The following NRG1 variants were observed in gnomAD, a reference collection of about 807,000 sequenced individuals.
The protein encoded by NRG1 is neuregulin 1, also known as pro-neuregulin-1, membrane-bound isoform.
NRG1 carries 18 observed loss-of-function variants against 63.8 expected under a neutral mutation model. That is an observed-to-expected ratio of 0.28 (90% CI 0.19 to 0.42). The LOEUF (loss-of-function observed/expected upper bound fraction) is 0.42. Ranked by LOEUF, NRG1 falls within the 10% of genes least tolerant of loss-of-function variation. The pLI is 1.00. For missense variants in NRG1, 762 were observed against 814.7 expected (o/e 0.94, Z 0.79); for synonymous variants, 302 against 301.3 (o/e 1.00, Z -0.02).
chr8:31,994,989 T>A (rs1340011981), intron 1 of NRG1, among the ~76,000 whole-genome samples: 3 of 152,010 alleles, frequency 2.0e-5, no homozygotes, highest in Non-Finnish European at 2.9e-5. Context: ...TTGAATTGGT[T>A]TAACTGAGCA....
intron 1 of NRG1, among the ~76,000 whole-genome samples, chr8:31,971,807 A>G (rs1206367654): frequency 1.3e-5 from 2 of 152,118 alleles, no homozygotes; most frequent in African/African-American, 4.8e-5. Flanking sequence ...AACTCCCCCA[A>G]GCATTATCCA....
At chr8:32,082,213 T>A (rs943329813) in intron 1 of NRG1, among the ~76,000 whole-genome samples, 5 of 151,028 alleles carry the variant, frequency 3.3e-5, no homozygotes, top group African/African-American at 1.2e-4. Flanking sequence ...TTTTTTTTTT[T>A]AATTTTTATT....
At chr8:32,348,528 C>T (rs1805192368) in intron 1 of NRG1, among the ~76,000 whole-genome samples, 1 of 152,046 alleles carries the variant, frequency 6.6e-6, no homozygotes, top group Non-Finnish European at 1.5e-5. Flanking sequence ...TTTTAGATAC[C>T]TTATAAATTG....
chr8:32,761,423 A>G (rs1207609368), intron 11 of NRG1, among the ~76,000 whole-genome samples: 1 of 151,760 alleles, frequency 6.6e-6, no homozygotes, highest in Non-Finnish European at 1.5e-5. Context: ...GTTACTTCCA[A>G]TAAAATAACA....
At chr8:32,365,441 T>C (rs1259983281) in intron 1 of NRG1, among the ~76,000 whole-genome samples, 2 of 152,124 alleles carry the variant, frequency 1.3e-5, no homozygotes, top group Non-Finnish European at 2.9e-5. Flanking sequence ...ATGGCCTCTC[T>C]CACTTCAATA....
intron 1 of NRG1, among the ~76,000 whole-genome samples, chr8:31,748,221 G>T (rs1023699825): frequency 1.3e-5 from 2 of 151,850 alleles, no homozygotes; most frequent in Non-Finnish European, 2.9e-5. Flanking sequence ...ACTTATTTAT[G>T]ATAATAACAA....
chr8:31,799,103 G>C (rs555884338), intron 1 of NRG1, among the ~76,000 whole-genome samples: 1 of 152,060 alleles, frequency 6.6e-6, no homozygotes, highest in Non-Finnish European at 1.5e-5. Flanking sequence ...CCCTGGTAGG[G>C]TTTATTTGTA....
At chr8:32,017,739 G>A (rs1815783356) in intron 1 of NRG1, among the ~76,000 whole-genome samples, 1 of 152,302 alleles carries the variant, frequency 6.6e-6, no homozygotes, top group East Asian at 1.9e-4. Flanking sequence ...AAAGACATGG[G>A]GCAAAGGATG....
chr8:31,927,992 A>AT (rs1304078525), intron 1 of NRG1, among the ~76,000 whole-genome samples: 1,407 of 43,540 alleles, frequency 0.032, 24 homozygotes, highest in African/African-American at 0.14. Context: ...CATTAGGTAT[A>AT]TTTAAAAAAA....
At chr8:32,076,536 G>A (rs1410020977) in intron 1 of NRG1, among the ~76,000 whole-genome samples, 1 of 152,040 alleles carries the variant, frequency 6.6e-6, no homozygotes, top group African/African-American at 2.4e-5. Flanking sequence ...AAATTCCACG[G>A]ACTGTGGAAC....
intron 1 of NRG1, among the ~76,000 whole-genome samples, chr8:32,337,680 A>C (rs1803478827): frequency 8.8e-6 from 1 of 113,250 alleles, no homozygotes; most frequent in South Asian, 3.3e-4. Flanking sequence ...AAAAAAAAAA[A>C]AAGCTGATGC....
At chr8:32,647,424 G>A (rs959687894) in intron 5 of NRG1, 18 of 985,210 alleles carry the variant, frequency 1.8e-5, no homozygotes, top group African/African-American at 8.7e-5. Context: ...ATCTATTTTC[G>A]TCCCTGTCCT....
intron 1 of NRG1, among the ~76,000 whole-genome samples, chr8:31,951,415 G>T (rs1459482493): frequency 6.6e-6 from 1 of 152,114 alleles, no homozygotes; most frequent in Non-Finnish European, 1.5e-5. Flanking sequence ...AGCATTTCTG[G>T]CAGTGAGCCA....
At chr8:32,268,862 G>A (rs1240288284) in intron 1 of NRG1, among the ~76,000 whole-genome samples, 1 of 152,094 alleles carries the variant, frequency 6.6e-6, no homozygotes, top group Non-Finnish European at 1.5e-5. Context: ...CACGAAGGAC[G>A]GGTAAATCAG....
chr8:31,978,919 C>A (rs116608247), intron 1 of NRG1, among the ~76,000 whole-genome samples: 3,293 of 152,220 alleles, frequency 0.022, 125 homozygotes, highest in African/African-American at 0.073. Context: ...CATTGGAAAG[C>A]AATGGGTTGT....
chr8:31,961,138 C>T (rs911181804), intron 1 of NRG1, among the ~76,000 whole-genome samples: 2 of 152,136 alleles, frequency 1.3e-5, no homozygotes, highest in African/African-American at 4.8e-5. Context: ...GTAGTAGAAT[C>T]TAGTGCATTT....
intron 1 of NRG1, among the ~76,000 whole-genome samples, chr8:31,831,104 CT>C (rs1408763234): frequency 6.7e-6 from 1 of 150,202 alleles, no homozygotes; most frequent in Admixed American, 6.6e-5. Context: ...CCTCCTCTTT[CT>C]TCTTTTTTTT....
chr8:31,972,060 A>G (rs1807377715), intron 1 of NRG1, among the ~76,000 whole-genome samples: 1 of 152,166 alleles, frequency 6.6e-6, no homozygotes, highest in Admixed American at 6.5e-5. Flanking sequence ...TGCTCAGACA[A>G]TGAGGGTGGC....
intron 1 of NRG1, among the ~76,000 whole-genome samples, chr8:31,807,094 A>G (rs1302274658): frequency 6.6e-6 from 1 of 152,214 alleles, no homozygotes; most frequent in Non-Finnish European, 1.5e-5. Flanking sequence ...TGCCGGCCAC[A>G]TTCTGAGTAG....
Sources: gnomAD v4.1 joint callset for allele counts (sites outside exome capture counted in the v4.1 genomes callset) on GRCh38, gnomAD v4.1.1 for gene constraint, MANE v1.5 for transcripts, NCBI Gene and HGNC (gene_info 2026-07-23, HGNC 2026-07-21) for gene names.